PTPRU: variants seen among roughly 807,000 people sequenced by gnomAD.
The protein encoded by PTPRU is protein tyrosine phosphatase receptor type U, also known as receptor-type tyrosine-protein phosphatase U.
Under a neutral mutation model 166.3 loss-of-function variants are expected in PTPRU, and 69 were observed. That is an observed-to-expected ratio of 0.41 (90% CI 0.34 to 0.51). The LOEUF (loss-of-function observed/expected upper bound fraction) is 0.51. PTPRU is among the 20% of genes least tolerant of loss of function. PTPRU has a pLI of 0.09. For synonymous variants in PTPRU, 793 were observed against 814.0 expected (o/e 0.97, Z 0.44); for missense variants, 1,657 against 2,013.7 (o/e 0.82, Z 3.39).
At chr1:29,270,987 CTAA>C (rs1685536077) in intron 7 of PTPRU, among the ~76,000 whole-genome samples, 1 of 152,130 alleles carries the variant, frequency 6.6e-6, no homozygotes, top group Admixed American at 6.5e-5. Flanking sequence ...AAAAAAAGAA[CTAA>C]TGAGAGGTGG....
chr1:29,269,110 G>T (rs1685424147), intron 7 of PTPRU, among the ~76,000 whole-genome samples: 1 of 150,874 alleles, frequency 6.6e-6, no homozygotes, highest in Non-Finnish European at 1.5e-5. Flanking sequence ...CACGATCATA[G>T]CTCACTGCGT....
chr1:29,287,959 G>A (rs946612302), intron 14 of PTPRU, among the ~76,000 whole-genome samples: 3 of 151,858 alleles, frequency 2.0e-5, no homozygotes, highest in African/African-American at 4.8e-5. Flanking sequence ...GATTACAGGC[G>A]CCCACCACCA....
rs574476118 is a variant in PTPRU at position 29,269,730 on chromosome 1, G to A, written c.1145-5718G>A. 9.9e-5 allele frequency among the ~76,000 whole-genome samples: 15 copies of A among 152,190 alleles called. No individual in the cohort carries two copies. In the South Asian group the frequency reaches 1.7e-3, roughly 17 times the overall value. ...AACAATAATATAGCATCAGGCGAAGGCATTTTTTAAAATAAGCACTCCGAA... is the reference window on the plus strand; with the variant it reads ...AACAATAATATAGCATCAGGCGAAGACATTTTTTAAAATAAGCACTCCGAA... On this transcript the variant is annotated intron_variant, in intron 7 of 29. Coordinates refer to ENST00000373779, the MANE Select transcript of PTPRU (RefSeq NM_133178.4).
In PTPRU at chr1:29,318,058, A is replaced by G. The variant is rs548614804; in HGVS notation, c.3687+137A>G. 7.7e-6 allele frequency: 9 copies of G among 1,167,186 alleles called. No homozygotes were observed. The East Asian group carries it at 1.5e-4, about 20-fold the overall frequency. The allele number at this position is 1,167,186 out of a possible 1,614,324, so 72.3% of individuals were successfully genotyped here. On this transcript the variant is annotated intron_variant, in intron 25 of 29. Transcript: ENST00000373779. ...ATTCTGGGGAACAGGCCTGTGTGTG[A>G]CCCTCCTACTCCTAGGGAGCTTCCA...
intron 7 of PTPRU, among the ~76,000 whole-genome samples, chr1:29,261,735 G>A (rs937294993): frequency 6.6e-6 from 1 of 152,044 alleles, no homozygotes; most frequent in African/African-American, 2.4e-5. Context: ...GTTTCACCAG[G>A]TTGGCCAGGC....
intron 1 of PTPRU, among the ~76,000 whole-genome samples, chr1:29,242,019 A>G (rs1470955228): frequency 1.4e-5 from 2 of 142,202 alleles, no homozygotes; most frequent in Admixed American, 7.0e-5. Context: ...AGCCTCCCGA[A>G]TAGCTGGGAT....
At chr1:29,288,598 G>C (rs1226242146) in intron 14 of PTPRU, among the ~76,000 whole-genome samples, 1 of 152,106 alleles carries the variant, frequency 6.6e-6, no homozygotes, top group Non-Finnish European at 1.5e-5. Context: ...CTGTGACCTG[G>C]GGCCAAGCTC....
chr1:29,238,866 G>A lies in PTPRU; in HGVS notation c.73+2149G>A, dbSNP rs1034095571. On this transcript the variant is annotated intron_variant, in intron 1 of 29. Coordinates refer to ENST00000373779, the MANE Select transcript of PTPRU (RefSeq NM_133178.4). This position sits in a 1 kb window ranked among gnomAD's most constrained non-coding sequence, Gnocchi z 6.1. ...AGGACTGTCAGGAACTGAAGTTTGG[G>A]AGTGAGGCCTAGAGCAGGTTACTCC... Among the ~76,000 whole-genome samples the A allele has an allele frequency of 3.9e-5, 6 of 152,328 alleles. No individual in the cohort carries two copies. The highest frequency in any genetic ancestry group is 1.3e-4 in the Admixed American group (2 of 15,304).
chr1:29,277,783 C>T (rs1417142612), intron 8 of PTPRU, among the ~76,000 whole-genome samples: 2 of 126,824 alleles, frequency 1.6e-5, no homozygotes, highest in African/African-American at 6.1e-5. Flanking sequence ...ACCTGACCAT[C>T]TGGCTTCACA....
In PTPRU at chr1:29,258,699, A is replaced by C. The variant is rs758114632; in HGVS notation, c.400A>C (p.Asn134His). The C allele has an allele frequency of 1.2e-6, 2 of 1,613,008 alleles. No individual in the cohort carries two copies. The highest frequency in any genetic ancestry group is 1.7e-6 in the Non-Finnish European group (2 of 1,179,516). Residue 134 changes from asparagine (N) to histidine (H), a missense_variant, in exon 3 of 30, where the codon AAT becomes CAT. Coordinates refer to ENST00000373779, the MANE Select transcript of PTPRU (RefSeq NM_133178.4). ...GGGCCCCCTGGGCAGTGCTGTGTGG[A>C]ATATGACTGGATCCCACGGCCGTCA... ...NGGPLGSAVW[N>H]MTGSHGRQWH...
At chr1:29,302,580 C>T (rs564246167) in intron 15 of PTPRU, among the ~76,000 whole-genome samples, 9 of 151,944 alleles carry the variant, frequency 5.9e-5, no homozygotes, top group South Asian at 2.1e-4. Context: ...GACAGAGTCT[C>T]GCACTGTCAC....
chr1:29,274,305 C>T (rs2151950639), intron 7 of PTPRU, among the ~76,000 whole-genome samples: 1 of 152,316 alleles, frequency 6.6e-6, no homozygotes, highest in East Asian at 1.9e-4. Flanking sequence ...TCCCAAAGTG[C>T]TGGGATTATA....
intron 1 of PTPRU, among the ~76,000 whole-genome samples, chr1:29,246,369 G>A (rs1684298624): frequency 1.3e-5 from 2 of 152,158 alleles, no homozygotes; most frequent in African/African-American, 2.4e-5. Flanking sequence ...ACTGCCCCAC[G>A]TTGCACATGA....
At position 29,325,585 on chromosome 1, in the gene PTPRU, C is replaced by A; in HGVS notation, c.4249-14C>A. On this transcript the variant is annotated splice_polypyrimidine_tract_variant and intron_variant, in intron 29 of 29. Transcript: ENST00000373779. ...GTCAGGCTCATGATTCCCTCCCTCT[C>A]TTCCTCTCCCCAGGATCAGTACCAC... is the stretch of plus-strand genomic sequence containing the variant. 6.2e-7 allele frequency: 1 copy of A among 1,605,462 alleles called. No homozygotes were observed. The highest frequency in any genetic ancestry group is 8.5e-7 in the Non-Finnish European group (1 of 1,172,080).
intron 15 of PTPRU, 82 bp from the exon 16 acceptor site, chr1:29,303,773 C>A: frequency 7.2e-7 from 1 of 1,389,996 alleles, no homozygotes; most frequent in East Asian, 2.3e-5. Flanking sequence ...TGCCTCCCCA[C>A]CCCCATAGAC....
chr1:29,252,553 C>T (rs567393855), intron 1 of PTPRU, among the ~76,000 whole-genome samples: 1 of 152,216 alleles, frequency 6.6e-6, no homozygotes, highest in East Asian at 1.9e-4. Context: ...CAGGTGTGAG[C>T]CACCGCGCCT....
chr1:29,236,899 G>C lies in PTPRU; in HGVS notation c.73+182G>C, dbSNP rs12041477. On this transcript the variant is annotated intron_variant, in intron 1 of 29. Transcript: ENST00000373779. The surrounding 1 kb of genome is among the most constrained non-coding windows in gnomAD (Gnocchi z 4.6). ...GCGTGACTGCGAATGTTGTGTGTCC[G>C]TGAGTTCTGTGCGCAAGAAAAGGTG... Among the ~76,000 whole-genome samples the C allele has an allele frequency of 6.6e-6, 1 of 152,084 alleles. No individual in the cohort carries two copies. The highest frequency in any genetic ancestry group is 2.4e-5 in the African/African-American group (1 of 41,428).
intron 25 of PTPRU, among the ~76,000 whole-genome samples, 176 bp downstream of exon 25, chr1:29,318,097 A>G (rs1687985776): frequency 6.6e-6 from 1 of 152,166 alleles, no homozygotes. Context: ...AGGGCATTCA[A>G]GCCAGTGCCC....
At chr1:29,287,038 G>A (rs1409254325) in intron 14 of PTPRU, among the ~76,000 whole-genome samples, 3 of 152,150 alleles carry the variant, frequency 2.0e-5, no homozygotes, top group Non-Finnish European at 4.4e-5. Context: ...AGGGATGGGG[G>A]TGTTCAGATC....
Sources: allele counts gnomAD v4.1 joint callset (sites outside exome capture counted in the v4.1 genomes callset), GRCh38; gene constraint gnomAD v4.1.1; non-coding constraint Gnocchi (gnomAD v3.1); transcripts MANE v1.5; gene names NCBI Gene and HGNC (gene_info 2026-07-23, HGNC 2026-07-21).